Variants in TVP23A observed in about 807,000 individuals in gnomAD.
TVP23A encodes Golgi apparatus membrane protein TVP23 homolog A.
In TVP23A, 21 loss-of-function variants were observed where a neutral mutation model predicts 31.7. The ratio of observed to expected loss-of-function variants is 0.66; its 90% CI spans 0.47 to 0.95. The LOEUF (loss-of-function observed/expected upper bound fraction) is 0.95, where lower values mean the gene tolerates loss of function less well. TVP23A is among the 40% of genes least tolerant of loss of function. The pLI is 0.00. For missense variants in TVP23A, 279 were observed against 255.6 expected, an observed-to-expected ratio of 1.09 and a Z score of -0.62; for synonymous variants, 104 against 96.0, an observed-to-expected ratio of 1.08 and a Z score of -0.49.
At chr16:10,792,891 G>T (rs1279086833) in intron 2 of TVP23A, among the ~76,000 whole-genome samples, 1 of 152,230 alleles carries the variant, frequency 6.6e-6, no homozygotes, top group Non-Finnish European at 1.5e-5. Context: ...TCCATTCAAA[G>T]GTCAGCACAA....
At chr16:10,776,041 G>A (rs1394693890) in intron 2 of TVP23A, among the ~76,000 whole-genome samples, 11 of 150,216 alleles carry the variant, frequency 7.3e-5, no homozygotes, top group East Asian at 3.9e-4. Flanking sequence ...AAGCAACCAC[G>A]CCTGGCCTTA....
In TVP23A at chr16:10,800,920, G is replaced by A. The variant is rs951942552; in HGVS notation, c.89+17183C>T. 6.6e-5 allele frequency among the ~76,000 whole-genome samples: 10 copies of A among 152,202 alleles called. 1 individual carries two copies. The highest frequency in any genetic ancestry group is 2.4e-4 in the African/African-American group (10 of 41,450). On this transcript the variant is annotated intron_variant, in intron 2 of 7. Coordinates refer to ENST00000299866, the MANE Select transcript of TVP23A (RefSeq NM_001079512.4). ...GTGGGAGGATCACTTGAGCCTGGAA[G>A]GCAGAGGATACAGTGAGCCAAGATT...
At chr16:10,761,447 GAGTGGCTTCATCTGTCCTA>G in exon 9 of TVP23A, 1 of 1,614,110 alleles carries the variant, frequency 6.2e-7, no homozygotes, top group African/African-American at 1.3e-5. Context: ...TGGAGAACAT[GAGTGGCTTCATCTGTCCTA>G]AGTGCAAGGT....
At chr16:10,813,339 C>T (rs1420336491) in intron 2 of TVP23A, among the ~76,000 whole-genome samples, 1 of 152,180 alleles carries the variant, frequency 6.6e-6, no homozygotes, top group African/African-American at 2.4e-5. Flanking sequence ...CTGTGACAGG[C>T]CCCCTTCCAC....
chr16:10,770,101 T>A (rs115145199), intron 7 of TVP23A, among the ~76,000 whole-genome samples, 171 bp downstream of exon 7: 2 of 152,240 alleles, frequency 1.3e-5, no homozygotes, highest in Non-Finnish European at 2.9e-5. Context: ...GCAATGAGGC[T>A]GCAAAGCCCA....
chr16:10,766,933 C>G lies in TVP23A; in HGVS notation c.*2169G>C, dbSNP rs2030970208. On this transcript the variant is annotated 3_prime_UTR_variant, in exon 8 of 8. Transcript: ENST00000299866. The surrounding 1 kb of genome is among the most constrained non-coding windows in gnomAD (Gnocchi z 4.8). ...GCCTTATGTTCCCTGCCTCTGGACCCTATTTTCCTGACTCACTGGGCCATA... is the reference window on the plus strand; with the variant it reads ...GCCTTATGTTCCCTGCCTCTGGACCGTATTTTCCTGACTCACTGGGCCATA... 2.5e-6 allele frequency: 1 copy of G among 398,550 alleles called. No individual in the cohort carries two copies. The highest frequency in any genetic ancestry group is 4.4e-6 in the Non-Finnish European group (1 of 226,104). The allele number at this position is 398,550 out of a possible 1,614,324, so 24.7% of individuals were successfully genotyped here.
intron 2 of TVP23A, among the ~76,000 whole-genome samples, chr16:10,812,409 A>G (rs1459073903): frequency 1.3e-5 from 2 of 152,254 alleles, no homozygotes; most frequent in Non-Finnish European, 2.9e-5. Flanking sequence ...ACTTGTGGGT[A>G]TATGGCCAAA....
At chr16:10,783,220 C>A (rs2032531895) in intron 2 of TVP23A, among the ~76,000 whole-genome samples, 1 of 152,178 alleles carries the variant, frequency 6.6e-6, no homozygotes, top group Admixed American at 6.6e-5. Context: ...CAAAGCCAAC[C>A]TTTGCAAGTC....
intron 6 of TVP23A, 119 bp downstream of exon 6, chr16:10,771,548 AAAC>A: frequency 7.7e-7 from 1 of 1,303,910 alleles, no homozygotes; most frequent in Admixed American, 2.2e-5. Flanking sequence ...AAAAATATAT[AAAC>A]AATAAAACAT....
rs577710170 is a variant in TVP23A at position 10,761,500 on chromosome 16, G to A, written c.*275C>T. On this transcript the variant is annotated 3_prime_UTR_variant and NMD_transcript_variant, in exon 9 of 9. Transcript: ENST00000456096. ...GTGAGGGCGCGTGGGGCTGCCAGGC[G>A]AGCAAGATCTTGCTCTCATGGATGA... 2.9e-5 allele frequency: 46 copies of A among 1,583,354 alleles called. No homozygotes were observed. The African/African-American group carries it at 4.2e-4, about 14-fold the overall frequency.
intron 3 of TVP23A, among the ~76,000 whole-genome samples, chr16:10,774,632 C>T (rs2031872935): frequency 1.4e-5 from 2 of 138,106 alleles, no homozygotes; most frequent in Non-Finnish European, 3.1e-5. Context: ...TTTTCCGAGA[C>T]AGAGTTTGAC....
chr16:10,810,214 T>C (rs1424458009), intron 2 of TVP23A, among the ~76,000 whole-genome samples: 1 of 150,560 alleles, frequency 6.6e-6, no homozygotes, highest in East Asian at 1.9e-4. Flanking sequence ...AAGGTGTTTC[T>C]AGGAAAAAAA....
chr16:10,793,509 C>T (rs756304532), intron 2 of TVP23A, among the ~76,000 whole-genome samples: 11 of 152,136 alleles, frequency 7.2e-5, no homozygotes, highest in Non-Finnish European at 1.5e-4. Context: ...CTTGTTATAG[C>T]AACACTCCAC....
At chr16:10,761,084 T>G (rs564056355), downstream of TVP23A, 18 of 310,446 alleles carry the variant, frequency 5.8e-5, no homozygotes, top group South Asian at 6.2e-4. Flanking sequence ...CCATCAGATC[T>G]CGTGAAAACT....
chr16:10,818,101 A>G lies in TVP23A; in HGVS notation c.89+2T>C, dbSNP rs998723151. 1.2e-6 allele frequency: 2 copies of G among 1,606,332 alleles called. No individual in the cohort carries two copies. The highest frequency in any genetic ancestry group is 2.7e-5 in the African/African-American group (2 of 74,702). On this transcript the variant is annotated splice_donor_variant, in intron 2 of 7. Coordinates refer to ENST00000299866, the MANE Select transcript of TVP23A (RefSeq NM_001079512.4). LOFTEE classifies it high-confidence loss of function. This position sits in a 1 kb window ranked among gnomAD's most constrained non-coding sequence, Gnocchi z 4.7. ...CCTGACCCAAGCTCCATCCCAACAC[A>G]CCTGATCTTGGCTTTCCTAAAGGCC...
chr16:10,759,192 C>G (rs1055174037), downstream of TVP23A, among the ~76,000 whole-genome samples: 1 of 152,238 alleles, frequency 6.6e-6, no homozygotes, highest in Non-Finnish European at 1.5e-5. The surrounding 1 kb of genome is among the most constrained non-coding windows in gnomAD (Gnocchi z 4.7). Context: ...AGGCCTGGCT[C>G]TCCCTGGTGG....
chr16:10,774,011 G>C, intron 4 of TVP23A, 28 bp downstream of exon 4: 3 of 1,568,112 alleles, frequency 1.9e-6, no homozygotes, highest in Non-Finnish European at 2.6e-6. Context: ...TCCCCGCTCT[G>C]GTTAGTTCAG....
intron 2 of TVP23A, chr16:10,808,420 T>A (rs1490856034): frequency 4.8e-6 from 2 of 415,862 alleles, no homozygotes; most frequent in African/African-American, 4.1e-5. Flanking sequence ...CCCACTAACA[T>A]GTGATTTCCT....
At chr16:10,816,343 T>C (rs2034439433) in intron 2 of TVP23A, among the ~76,000 whole-genome samples, 2 of 150,124 alleles carry the variant, frequency 1.3e-5, no homozygotes, top group East Asian at 1.9e-4. Flanking sequence ...TTAAGAATTT[T>C]TTTTTTTTGA....
Sources: gnomAD v4.1 joint callset for allele counts (sites outside exome capture counted in the v4.1 genomes callset) on GRCh38, gnomAD v4.1.1 for gene constraint, Gnocchi (gnomAD v3.1) non-coding constraint, MANE v1.5 for transcripts, NCBI Gene and HGNC (gene_info 2026-07-23, HGNC 2026-07-21) for gene names.